ACSM4: variants seen among roughly 807,000 people sequenced by gnomAD.
ACSM4 encodes the protein acyl-coenzyme A synthetase ACSM4, mitochondrial.
Under a neutral mutation model 73.0 loss-of-function variants are expected in ACSM4, and 66 were observed. That is an observed-to-expected ratio of 0.90 (90% confidence interval 0.74 to 1.11). The LOEUF (loss-of-function observed/expected upper bound fraction) is 1.11. ACSM4 is among the 50% of genes least tolerant of loss of function. The pLI, the probability that ACSM4 is intolerant of heterozygous loss-of-function variation, is 0.00. For synonymous variants in ACSM4, 222 were observed against 254.0 expected (o/e 0.87, Z 1.20); for missense variants, 645 against 714.4 (o/e 0.90, Z 1.11).
At chr12:7,314,573 AATAG>A (rs1946408090) in intron 3 of ACSM4, among the ~76,000 whole-genome samples, 2 of 152,278 alleles carry the variant, frequency 1.3e-5, no homozygotes, top group Admixed American at 6.5e-5. Context: ...TGGATGGATG[AATAG>A]ATAGATGAAA....
At chr12:7,317,033 C>A in intron 3 of ACSM4, 104 bp from the exon 4 acceptor site, 1 of 1,382,584 alleles carries the variant, frequency 7.2e-7, no homozygotes, top group Non-Finnish European at 9.7e-7. Context: ...GTTCTGTTAA[C>A]TATCTTCTGG....
Position 7,304,259 on chromosome 12 carries a change from C to T in ACSM4, c.-73C>T. 1 of 1,469,284 alleles carries T rather than the reference C, an allele frequency of 6.8e-7. No individual in the cohort carries two copies. Among genetic ancestry groups the T allele is most frequent in the Admixed American group, 1.7e-5 (1 of 57,276 alleles). The allele number at this position is 1,469,284 out of a possible 1,614,324, so 91.0% of individuals were successfully genotyped here. A position where few individuals can be genotyped will look rare whatever the true frequency, so the allele number is the denominator to read the frequency against. On this transcript the variant is annotated 5_prime_UTR_variant, in exon 1 of 13. Coordinates refer to ENST00000399422, the MANE Select transcript of ACSM4 (RefSeq NM_001080454.2). ...ACCACAGAGCATCAAGAAACTGATA[C>T]TCTCTATCCATCTCTCCCTACAGGC...
chr12:7,322,342 T>C, intron 6 of ACSM4, 76 bp from the exon 7 acceptor site: 3 of 1,592,808 alleles, frequency 1.9e-6, no homozygotes, highest in South Asian at 1.1e-5. Context: ...TGCTTACTGC[T>C]TGAATGTCCT....
chr12:7,324,058 G>T (rs929728995), intron 9 of ACSM4, among the ~76,000 whole-genome samples: 3 of 151,828 alleles, frequency 2.0e-5, no homozygotes, highest in African/African-American at 7.3e-5. Context: ...CATGTCTGTG[G>T]TCCCAGCTAC....
In ACSM4 at chr12:7,324,692, A is replaced by G. The variant is rs1207193981; in HGVS notation, c.1536+94A>G. On this transcript the variant is annotated intron_variant, in intron 11 of 12. Transcript: ENST00000399422. ...AGGCTGAACCAAGAGAGGTCAATCT[A>G]TTAATTCTCGTTATGAAGCATGCAT... The G allele has an allele frequency of 5.2e-6, 7 of 1,333,640 alleles. No individual in the cohort carries two copies. In the African/African-American group the frequency reaches 7.3e-5, roughly 14 times the overall value. The allele number at this position is 1,333,640 out of a possible 1,614,324, so 82.6% of individuals were successfully genotyped here. A position where few individuals can be genotyped will look rare whatever the true frequency, so the allele number is the denominator to read the frequency against.
chr12:7,324,644 T>G (rs1324280632), intron 11 of ACSM4, 46 bp downstream of exon 11: 73 of 1,589,090 alleles, frequency 4.6e-5, no homozygotes, highest in Non-Finnish European at 6.1e-5. Context: ...TATTTTCAAG[T>G]TCTGTCCATT....
Position 7,322,872 on chromosome 12 carries a change from A to G in ACSM4, c.1125+331A>G, listed in dbSNP as rs746811456. Among the ~76,000 whole-genome samples, 66 of 152,272 alleles carry G rather than the reference A, an allele frequency of 4.3e-4. 1 individual carries two copies. Among genetic ancestry groups the G allele is most frequent in the Middle Eastern group, 3.4e-3 (1 of 294 alleles). On this transcript the variant is annotated intron_variant, in intron 7 of 12. Coordinates refer to ENST00000399422, the MANE Select transcript of ACSM4 (RefSeq NM_001080454.2). Reference sequence around the variant, plus strand: ...GAGCGTCCATGGGAAATTGAGTCCAAGGTGCATTTAACGGAGTCCAAGGAG... The same window carrying G: ...GAGCGTCCATGGGAAATTGAGTCCAGGGTGCATTTAACGGAGTCCAAGGAG...
rs566905055 is a variant in ACSM4 at position 7,305,056 on chromosome 12, C to T, written c.201+524C>T. Reference sequence around the variant, plus strand: ...ACCAAGCAGTGCTTATCAAAATGCACTGCAGGACCATGGATGGGAACATGA... The same window carrying T: ...ACCAAGCAGTGCTTATCAAAATGCATTGCAGGACCATGGATGGGAACATGA... On this transcript the variant is annotated intron_variant, in intron 1 of 12. Transcript: ENST00000399422. Among the ~76,000 whole-genome samples the T allele has an allele frequency of 4.2e-4, 64 of 152,290 alleles. 1 individual carries two copies. Among genetic ancestry groups the T allele is most frequent in the South Asian group, 2.7e-3 (13 of 4,824 alleles).
At chr12:7,313,992 T>C (rs967695164) in intron 3 of ACSM4, among the ~76,000 whole-genome samples, 1 of 152,240 alleles carries the variant, frequency 6.6e-6, no homozygotes. Context: ...TGTAGAGGAT[T>C]AGTTTGAGAA....
chr12:7,307,710 A>G (rs1269705338), intron 2 of ACSM4, among the ~76,000 whole-genome samples: 1 of 152,242 alleles, frequency 6.6e-6, no homozygotes, highest in Non-Finnish European at 1.5e-5. Context: ...ATCTATTTAC[A>G]TAAGTAATTT....
Position 7,323,468 on chromosome 12 carries a change from G to A in ACSM4, c.1216G>A (p.Glu406Lys). ...MLPYDVQIIDENGNVLPPGKE... is the reference protein window; with the variant it reads ...MLPYDVQIIDKNGNVLPPGKE... ...ATTTCTTTCATTCCAGATTATAGAT[G>A]AAAATGGCAATGTTCTACCACCTGG... The change falls in exon 9 of 13, where the codon GAA (glutamate) becomes AAA (lysine). Residue 406 changes from glutamate (E) to lysine (K), a missense_variant. Glu to Lys is a moderately conservative substitution (Grantham distance 56). Transcript: ENST00000399422. The A allele has an allele frequency of 1.2e-6, 2 of 1,613,808 alleles. No individual in the cohort carries two copies. The highest frequency in any genetic ancestry group is 1.7e-6 in the Non-Finnish European group (2 of 1,179,780).
chr12:7,306,845 G>T, intron 2 of ACSM4, 102 bp downstream of exon 2: 66 of 332,754 alleles, frequency 2.0e-4, no homozygotes, highest in Middle Eastern at 8.3e-4. Context: ...GCATACAGAA[G>T]ACAAAAAAAA....
At chr12:7,326,000 C>T (rs1296913702) in intron 11 of ACSM4, among the ~76,000 whole-genome samples, 1 of 152,142 alleles carries the variant, frequency 6.6e-6, no homozygotes, top group Admixed American at 6.5e-5. Flanking sequence ...TTCTTATTCT[C>T]TCAATATAAA....
Position 7,323,221 on chromosome 12 carries a change from G to A in ACSM4, c.1126-13G>A. The A allele has an allele frequency of 6.3e-7, 1 of 1,598,874 alleles. No homozygotes were observed. Among genetic ancestry groups the A allele is most frequent in the Non-Finnish European group, 8.5e-7 (1 of 1,172,034 alleles). ...ACTTTTGTATACTTATACAAAGCTT[G>A]TCCTCTCAATAGGGAATGATTTGTG... On this transcript the variant is annotated splice_polypyrimidine_tract_variant and intron_variant, in intron 7 of 12. Coordinates refer to ENST00000399422, the MANE Select transcript of ACSM4 (RefSeq NM_001080454.2).
intron 5 of ACSM4, among the ~76,000 whole-genome samples, chr12:7,319,610 A>G (rs761091759): frequency 7.2e-5 from 11 of 151,784 alleles, no homozygotes; most frequent in Admixed American, 3.3e-4. Flanking sequence ...AAAAAAGAAA[A>G]AAATACAGAT....
In ACSM4 at chr12:7,310,543, C is replaced by T. The variant is rs147120850; in HGVS notation, c.417C>T (p.Ile139=). ...LVNVACIRTG[I]IFMPGTIQLT... ...AGGGCCCTCTGTCCTTCCCAGGGAT[C>T]ATCTTCATGCCGGGAACAATCCAGC... is the stretch of plus-strand genomic sequence containing the variant. The change falls in exon 3 of 13, where the codon ATC becomes ATT. Residue 139 remains isoleucine (I), a synonymous_variant. Transcript: ENST00000399422. The T allele has an allele frequency of 1.0e-3, 1,641 of 1,603,906 alleles. 12 individuals carry two copies. The highest frequency in any genetic ancestry group is 6.3e-3 in the East Asian group (280 of 44,508).
Position 7,324,533 on chromosome 12 carries a change from C to T in ACSM4, c.1471C>T (p.Leu491Phe). The change falls in exon 11 of 13, where the codon CTC (leucine) becomes TTC (phenylalanine). Residue 491 changes from leucine (L) to phenylalanine (F), a missense_variant. Physicochemically the swap from Leu to Phe is conservative, Grantham distance 22. Transcript: ENST00000399422. ...TGGGCCATTTGAAGTGGAGAGTGCA[C>T]TCATTGAGCATCCAGCAGTTGTTGA... ...RIGPFEVESALIEHPAVVESA... is the reference protein window; with the variant it reads ...RIGPFEVESAFIEHPAVVESA... 1 of 1,613,956 alleles carries T rather than the reference C, an allele frequency of 6.2e-7. No homozygotes were observed. Among genetic ancestry groups the T allele is most frequent in the Non-Finnish European group, 8.5e-7 (1 of 1,179,864 alleles).
intron 9 of ACSM4, 86 bp downstream of exon 9, chr12:7,323,646 G>A (rs781652054): frequency 5.0e-6 from 6 of 1,200,212 alleles, no homozygotes; most frequent in Non-Finnish European, 7.2e-6. Context: ...GTAATCTTGG[G>A]CAAGCAACAA....
intron 3 of ACSM4, among the ~76,000 whole-genome samples, chr12:7,311,935 C>T (rs1301194969): frequency 6.6e-6 from 1 of 152,198 alleles, no homozygotes; most frequent in Non-Finnish European, 1.5e-5. Context: ...AAGTGATCCG[C>T]CAACCTCAGC....
Sources: allele counts gnomAD v4.1 joint callset (sites outside exome capture counted in the v4.1 genomes callset), GRCh38; gene constraint gnomAD v4.1.1; transcripts MANE v1.5; gene names NCBI Gene and HGNC (gene_info 2026-07-23, HGNC 2026-07-21).